The following CACNA2D3 variants were observed in gnomAD, a reference collection of about 807,000 sequenced individuals.
CACNA2D3 encodes the protein voltage-dependent calcium channel subunit alpha-2/delta-3.
Under a neutral mutation model 160.6 loss-of-function variants are expected in CACNA2D3, and 60 were observed. That is an observed-to-expected ratio of 0.37 (90% CI 0.30 to 0.46). CACNA2D3 has a LOEUF of 0.46. Ranked by LOEUF, CACNA2D3 falls within the 20% of genes least tolerant of loss-of-function variation. CACNA2D3 has a pLI of 1.00. For missense variants in CACNA2D3, 1,205 were observed against 1,365.0 expected (o/e 0.88, Z 1.85); for synonymous variants, 558 against 492.9 (o/e 1.13, Z -1.75).
chr3:54,954,539 C>T (rs936923079), intron 27 of CACNA2D3, among the ~76,000 whole-genome samples: 6 of 152,220 alleles, frequency 3.9e-5, no homozygotes, highest in African/African-American at 7.2e-5. Flanking sequence ...ACCAGCCCTT[C>T]GGCTTCCCTT....
intron 3 of CACNA2D3, among the ~76,000 whole-genome samples, chr3:54,361,670 T>C (rs1575415192): frequency 6.6e-6 from 1 of 152,234 alleles, no homozygotes; most frequent in Non-Finnish European, 1.5e-5. Context: ...AGGCTTGTGG[T>C]TGACCATGAA....
In CACNA2D3 at chr3:54,896,842, C is replaced by G; in HGVS notation, c.2340C>G (p.Ser780Arg). The G allele has an allele frequency of 6.2e-7, 1 of 1,613,988 alleles. No individual in the cohort carries two copies. The highest frequency in any genetic ancestry group is 8.5e-7 in the Non-Finnish European group (1 of 1,179,880). ...YRRAAEQIPG[S>R]FVYSIPFSTG... ...GAGCCGCTGAGCAGATTCCAGGGAG[C>G]TTCGTCTACTCGATCCCATTCAGCA... is the stretch of plus-strand genomic sequence containing the variant. The change falls in exon 26 of 38, where the codon AGC becomes AGG. Residue 780 changes from serine to arginine, a missense_variant. Around this residue, in one of 3 missense-constraint regions of CACNA2D3, gnomAD observed 911 missense variants for 1,002.2 expected, o/e 0.91. Transcript: ENST00000474759.
chr3:54,258,552 C>A (rs768205475), intron 2 of CACNA2D3, among the ~76,000 whole-genome samples: 3 of 152,202 alleles, frequency 2.0e-5, no homozygotes, highest in Non-Finnish European at 4.4e-5. Context: ...CAACCCAGCT[C>A]ATGAGCCTGA....
intron 31 of CACNA2D3, among the ~76,000 whole-genome samples, chr3:54,995,561 C>T (rs541815444): frequency 1.3e-5 from 2 of 152,314 alleles, no homozygotes; most frequent in Non-Finnish European, 2.9e-5. Flanking sequence ...GCAATTCAGG[C>T]TTGCAAAAGA....
chr3:54,984,814 C>T, intron 30 of CACNA2D3, 144 bp downstream of exon 30: 2 of 623,874 alleles, frequency 3.2e-6, no homozygotes, highest in South Asian at 4.2e-5. Flanking sequence ...TTATTTCCAT[C>T]CCTCTAAGAA....
In CACNA2D3 at chr3:54,599,305, A is replaced by C. The variant is rs899550615; in HGVS notation, c.963+17428A>C. Among the ~76,000 whole-genome samples the C allele has an allele frequency of 5.9e-5, 9 of 152,340 alleles. No homozygotes were observed. The South Asian group carries it at 1.9e-3, about 32-fold the overall frequency. ...TTTTATATTAGATGAATCTAGAAAG[A>C]CTTGCTCAGAATAAAAAGCTACTTG... On this transcript the variant is annotated intron_variant, in intron 9 of 37. Coordinates refer to ENST00000474759, the MANE Select transcript of CACNA2D3 (RefSeq NM_018398.3).
intron 27 of CACNA2D3, among the ~76,000 whole-genome samples, chr3:54,924,371 T>C (rs1251069584): frequency 6.6e-6 from 1 of 152,206 alleles, no homozygotes; most frequent in Non-Finnish European, 1.5e-5. Flanking sequence ...TAACTTCTTG[T>C]TATATTAATT....
chr3:54,524,543 C>T (rs965385179), intron 5 of CACNA2D3, among the ~76,000 whole-genome samples: 8 of 152,012 alleles, frequency 5.3e-5, no homozygotes, highest in African/African-American at 1.9e-4. Flanking sequence ...CCATATTAAT[C>T]TTCTGCCTAG....
chr3:54,291,799 C>G (rs866693206), intron 2 of CACNA2D3, among the ~76,000 whole-genome samples: 2 of 151,988 alleles, frequency 1.3e-5, no homozygotes, highest in African/African-American at 2.4e-5. Flanking sequence ...GAAGTGTAGT[C>G]TAGGGAAGGA....
chr3:54,431,735 G>A (rs1699993715), intron 4 of CACNA2D3, among the ~76,000 whole-genome samples: 1 of 152,110 alleles, frequency 6.6e-6, no homozygotes, highest in African/African-American at 2.4e-5. Flanking sequence ...AGCCTCCAGA[G>A]TAGCTGGGAT....
intron 5 of CACNA2D3, among the ~76,000 whole-genome samples, chr3:54,549,677 G>A (rs1443942353): frequency 2.0e-5 from 3 of 152,140 alleles, no homozygotes; most frequent in Non-Finnish European, 4.4e-5. Flanking sequence ...TCCAGTCTGC[G>A]GCTTCTATGT....
At chr3:54,572,395 G>A (rs1702514746) in intron 8 of CACNA2D3, among the ~76,000 whole-genome samples, 1 of 152,206 alleles carries the variant, frequency 6.6e-6, no homozygotes, top group African/African-American at 2.4e-5. Context: ...TCCACTCACT[G>A]TGTGCAAGTC....
At chr3:54,292,140 C>A (rs187249513) in intron 2 of CACNA2D3, among the ~76,000 whole-genome samples, 3 of 152,062 alleles carry the variant, frequency 2.0e-5, no homozygotes, top group Admixed American at 2.0e-4. Flanking sequence ...AGTTGGACCC[C>A]TACCTCATAC....
intron 24 of CACNA2D3, among the ~76,000 whole-genome samples, chr3:54,889,973 A>G (rs1400151112): frequency 2.0e-5 from 3 of 152,170 alleles, no homozygotes; most frequent in Admixed American, 6.5e-5. Flanking sequence ...TGGCTTTCCA[A>G]TTTGGTGTAG....
intron 29 of CACNA2D3, among the ~76,000 whole-genome samples, chr3:54,976,056 TACACACACACACACACACAC>T (rs3841944): frequency 1.4e-5 from 2 of 144,970 alleles, no homozygotes; most frequent in African/African-American, 5.2e-5. Flanking sequence ...TAGATATAGA[TACACACACACACACACACAC>T]ACACACACAC....
At chr3:54,378,391 A>G (rs1295961375) in intron 3 of CACNA2D3, among the ~76,000 whole-genome samples, 2 of 152,198 alleles carry the variant, frequency 1.3e-5, no homozygotes, top group African/African-American at 4.8e-5. Flanking sequence ...GAGCTCAGGC[A>G]GTGATGCTCG....
intron 4 of CACNA2D3, among the ~76,000 whole-genome samples, chr3:54,483,415 G>T (rs1700965427): frequency 6.6e-6 from 1 of 152,150 alleles, no homozygotes; most frequent in Non-Finnish European, 1.5e-5. Flanking sequence ...TACATAGAAG[G>T]TTAACCTCCA....
intron 32 of CACNA2D3, among the ~76,000 whole-genome samples, chr3:55,005,689 A>G (rs1226773978): frequency 6.6e-6 from 1 of 152,196 alleles, no homozygotes; most frequent in East Asian, 1.9e-4. Flanking sequence ...ATTAACTGTT[A>G]CCACTTACTC....
chr3:54,471,885 G>T (rs987636422), intron 4 of CACNA2D3, among the ~76,000 whole-genome samples: 2 of 152,086 alleles, frequency 1.3e-5, no homozygotes, highest in African/African-American at 2.4e-5. Flanking sequence ...GTAGTAACAA[G>T]TTCTGAAATT....
Sources: gnomAD v4.1 joint callset for allele counts (sites outside exome capture counted in the v4.1 genomes callset) on GRCh38, gnomAD v4.1.1 for gene constraint, gnomAD v4.1.1 regional missense constraint, MANE v1.5 for transcripts, NCBI Gene and HGNC (gene_info 2026-07-23, HGNC 2026-07-21) for gene names.